ST13: variants seen among roughly 807,000 people sequenced by gnomAD.
The protein encoded by ST13 is hsc70-interacting protein.
ST13 carries 23 observed loss-of-function variants against 56.7 expected under a neutral mutation model. The ratio of observed to expected loss-of-function variants is 0.41; its 90% confidence interval spans 0.29 to 0.57. The LOEUF is 0.57. Among genes scored for constraint, ST13 ranks in the 20% least tolerant of loss-of-function variants. The pLI, the probability that ST13 is intolerant of heterozygous loss-of-function variation, is 0.36. For synonymous variants in ST13, 132 were observed against 142.4 expected (o/e 0.93, Z 0.52); for missense variants, 369 against 459.9 (o/e 0.80, Z 1.81).
intron 4 of ST13, among the ~76,000 whole-genome samples, chr22:40,843,822 T>G (rs1052314938): frequency 6.7e-6 from 1 of 150,280 alleles, no homozygotes; most frequent in Non-Finnish European, 1.5e-5. Context: ...AGTTCGCAAA[T>G]GCCAGTGAAC....
intron 5 of ST13, among the ~76,000 whole-genome samples, chr22:40,840,166 C>T (rs1650243235): frequency 6.6e-6 from 1 of 151,960 alleles, no homozygotes; most frequent in South Asian, 2.1e-4. Flanking sequence ...ACCAACCAAA[C>T]AAACAAACAA....
chr22:40,841,123 G>A (rs750945842), intron 4 of ST13, among the ~76,000 whole-genome samples: 14 of 151,252 alleles, frequency 9.3e-5, no homozygotes, highest in Non-Finnish European at 1.3e-4. Context: ...TGTACAAGAT[G>A]CTGACAGTAT....
chr22:40,853,393 T>C (rs1420054952), intron 1 of ST13, among the ~76,000 whole-genome samples: 6 of 152,118 alleles, frequency 3.9e-5, no homozygotes, highest in Admixed American at 3.3e-4. Context: ...ATAAGCTAGA[T>C]TTAGTTTCTC....
In ST13 at chr22:40,826,541, C is replaced by T. The variant is rs12373984; in HGVS notation, c.1107G>A (p.Ala369=). 27 of 1,597,726 alleles carry T rather than the reference C, an allele frequency of 1.7e-5. No homozygotes were observed. In the South Asian group the frequency reaches 2.0e-4, roughly 12 times the overall value. Residue 369 remains alanine, a synonymous_variant, in exon 12 of 12, where the codon GCG becomes GCA. Transcript: ENST00000216218. The part of the protein sequence containing the change: ...SKLSAKFGGQ[A] ...GGCTTTATTTATCAGAAGGACATTA[C>T]GCTTGACCTCCAAATTTGGCTGACA...
At chr22:40,846,521 T>G (rs556548507) in intron 3 of ST13, among the ~76,000 whole-genome samples, 1 of 152,328 alleles carries the variant, frequency 6.6e-6, no homozygotes, top group African/African-American at 2.4e-5. Context: ...TATCAAAGTT[T>G]GATTTGTATA....
chr22:40,849,479 CA>C (rs57060131), intron 2 of ST13, among the ~76,000 whole-genome samples: 1,601 of 55,076 alleles, frequency 0.029, 14 homozygotes, highest in African/African-American at 0.074. Flanking sequence ...GACTCTGTCT[CA>C]AAAAAAAAAA....
At chr22:40,832,740 T>C in intron 7 of ST13, 69 bp from the exon 8 acceptor site, 1 of 1,198,854 alleles carries the variant, frequency 8.3e-7, no homozygotes. Flanking sequence ...GATATCTTTC[T>C]TCCTTACAAA....
In ST13 at chr22:40,826,559, G is replaced by C; in HGVS notation, c.1089C>G (p.Ala363=). ...GACATTACGCTTGACCTCCAAATTT[G>C]GCTGACAATTTACTGATGAGATTCA... ...KVMNLISKLS[A]KFGGQA The change falls in exon 12 of 12, where the codon GCC becomes GCG. Residue 363 remains alanine (A), a synonymous_variant. Transcript: ENST00000216218. 4.4e-6 allele frequency: 7 copies of C among 1,598,914 alleles called. No individual in the cohort carries two copies. Among genetic ancestry groups the C allele is most frequent in the Non-Finnish European group, 5.9e-6 (7 of 1,179,730 alleles).
chr22:40,826,947 A>G, intron 11 of ST13, 149 bp downstream of exon 11: 1 of 989,638 alleles, frequency 1.0e-6, no homozygotes, highest in Non-Finnish European at 1.5e-6. Flanking sequence ...ACTCTGCATA[A>G]AGAAAATAAA....
In ST13 at chr22:40,828,591, C is replaced by T. The variant is rs190269093; in HGVS notation, c.847+1035G>A. ...TCACGCCACTGCACTCCAGCCTGGG[C>T]GACAGAGCGAGGCTCTGTCTCAATA... On this transcript the variant is annotated intron_variant, in intron 10 of 11. Coordinates refer to ENST00000216218, the MANE Select transcript of ST13 (RefSeq NM_003932.5). Among the ~76,000 whole-genome samples, 1,271 of 151,062 alleles carry T rather than the reference C, an allele frequency of 8.4e-3. 18 individuals carry two copies. Among genetic ancestry groups the T allele is most frequent in the African/African-American group, 0.029 (1,207 of 41,172 alleles).
intron 10 of ST13, among the ~76,000 whole-genome samples, chr22:40,827,622 C>A (rs191689455): frequency 3.3e-5 from 5 of 152,156 alleles, no homozygotes; most frequent in African/African-American, 9.6e-5. Flanking sequence ...AGACTACAGG[C>A]ACGCACCACT....
chr22:40,831,804 G>C (rs1338473577), intron 8 of ST13, among the ~76,000 whole-genome samples: 6 of 152,066 alleles, frequency 3.9e-5, no homozygotes, highest in Non-Finnish European at 7.4e-5. Context: ...ATCCTTAAAA[G>C]CTGGAATGTT....
At chr22:40,828,496 C>T (rs2057739293) in intron 10 of ST13, among the ~76,000 whole-genome samples, 1 of 151,712 alleles carries the variant, frequency 6.6e-6, no homozygotes, top group Non-Finnish European at 1.5e-5. Context: ...GCCTGTAGTC[C>T]CAGCTACTCG....
chr22:40,848,616 G>A (rs1411484554), intron 2 of ST13, among the ~76,000 whole-genome samples: 3 of 152,000 alleles, frequency 2.0e-5, no homozygotes, highest in Admixed American at 6.6e-5. Flanking sequence ...GGTGGTGCCC[G>A]CTTGTAATCC....
intron 10 of ST13, among the ~76,000 whole-genome samples, chr22:40,828,484 G>GCTA (rs2057739231): frequency 1.3e-5 from 2 of 151,744 alleles, no homozygotes; most frequent in African/African-American, 4.8e-5. Context: ...GTGGTGGCAG[G>GCTA]CGCCTGTAGT....
intron 8 of ST13, among the ~76,000 whole-genome samples, chr22:40,831,912 C>A (rs1012531564): frequency 6.6e-6 from 1 of 152,146 alleles, no homozygotes; most frequent in Non-Finnish European, 1.5e-5. Context: ...AGTGCTGTGG[C>A]GTGATCTTGG....
chr22:40,851,087 T>C (rs1427212860), intron 1 of ST13, among the ~76,000 whole-genome samples: 4 of 152,214 alleles, frequency 2.6e-5, no homozygotes. Context: ...TACTGGCTAA[T>C]GAACCCCTTT....
At chr22:40,848,456 G>A in intron 2 of ST13, 87 bp from the exon 3 acceptor site, 1 of 944,244 alleles carries the variant, frequency 1.1e-6, no homozygotes, top group Non-Finnish European at 1.7e-6. Context: ...TGTATAAACT[G>A]TCAAATATGG....
chr22:40,827,376 CA>C, intron 10 of ST13, 147 bp from the exon 11 acceptor site: 1 of 727,182 alleles, frequency 1.4e-6, no homozygotes. Context: ...CAGACTGCAA[CA>C]AGACATAAGT....
Sources: gnomAD v4.1 joint callset for allele counts (sites outside exome capture counted in the v4.1 genomes callset) on GRCh38, gnomAD v4.1.1 for gene constraint, MANE v1.5 for transcripts, NCBI Gene and HGNC (gene_info 2026-07-23, HGNC 2026-07-21) for gene names.